FRMD3: variants seen among roughly 807,000 people sequenced by gnomAD.
FRMD3 encodes the protein FERM domain-containing protein 3.
In FRMD3, 33 loss-of-function variants were observed where a neutral mutation model predicts 70.2. The observed-to-expected ratio is 0.47, with a 90% CI of 0.36 to 0.63. The LOEUF (loss-of-function observed/expected upper bound fraction) is 0.63. Ranked by LOEUF, FRMD3 falls within the 20% of genes least tolerant of loss-of-function variation. FRMD3 has a pLI of 0.00. For synonymous variants in FRMD3, 279 were observed against 255.9 expected (o/e 1.09, Z -0.86); for missense variants, 632 against 711.4 (o/e 0.89, Z 1.27).
chr9:83,547,098 C>A, the FRMD3 span, among the ~76,000 whole-genome samples: 1 of 150,862 alleles, frequency 6.6e-6, no homozygotes, highest in East Asian at 1.9e-4. Context: ...TTTAAATCAA[C>A]AACAATAAAA....
At chr9:83,412,926 T>C (rs1259703297) in intron 1 of FRMD3, among the ~76,000 whole-genome samples, 1 of 151,374 alleles carries the variant, frequency 6.6e-6, no homozygotes, top group African/African-American at 2.4e-5. Context: ...ACCCGGGAGA[T>C]GGAGGTTGCA....
chr9:83,496,571 T>C (rs1317730608), intron 1 of FRMD3, among the ~76,000 whole-genome samples: 3 of 152,196 alleles, frequency 2.0e-5, no homozygotes, highest in African/African-American at 7.2e-5. Flanking sequence ...AATGCCCTGG[T>C]GATTTCTAGG....
chr9:83,557,603 T>C, the FRMD3 span, among the ~76,000 whole-genome samples: 8 of 152,200 alleles, frequency 5.3e-5, no homozygotes, highest in East Asian at 1.9e-4. Flanking sequence ...GATTATCAAT[T>C]GATTGGTATA....
chr9:83,331,745 C>A (rs1388211945), intron 6 of FRMD3: 2 of 677,326 alleles, frequency 3.0e-6, no homozygotes, highest in Non-Finnish European at 5.4e-6. Flanking sequence ...ACCTAAACAT[C>A]TCTTTTAAAA....
chr9:83,538,066 C>A lies in FRMD3; in HGVS notation c.147+19G>T. The stretch of plus-strand genomic sequence containing the variant: ...GCTCCCGGCGTGTGCCCCGCGCCCT[C>A]GCCCGGTTCCACGCGCACCTGGATG... On this transcript the variant is annotated intron_variant, in intron 1 of 13. Coordinates refer to ENST00000304195, the MANE Select transcript of FRMD3 (RefSeq NM_174938.6). This position sits in a 1 kb window ranked among gnomAD's most constrained non-coding sequence, Gnocchi z 4.7. The A allele has an allele frequency of 6.2e-7, 1 of 1,610,150 alleles. No individual in the cohort carries two copies. The highest frequency in any genetic ancestry group is 8.5e-7 in the Non-Finnish European group (1 of 1,177,410).
At chr9:83,581,725 C>T in the FRMD3 span, among the ~76,000 whole-genome samples, 4 of 152,076 alleles carry the variant, frequency 2.6e-5, no homozygotes, top group South Asian at 2.1e-4. Context: ...TGTTCGTCAG[C>T]GGATTAATGA....
At chr9:83,483,742 C>A (rs771089065) in intron 1 of FRMD3, among the ~76,000 whole-genome samples, 6 of 152,126 alleles carry the variant, frequency 3.9e-5, no homozygotes, top group African/African-American at 7.2e-5. Flanking sequence ...CACCTGTAGT[C>A]CTAGCTACCC....
intron 13 of FRMD3, chr9:83,281,493 C>G (rs1833969864): frequency 6.6e-6 from 1 of 152,152 alleles, no homozygotes; most frequent in Non-Finnish European, 1.5e-5. Flanking sequence ...TTTTTTCACC[C>G]TAGCCAAGTC....
chr9:83,442,446 C>T (rs573341897), intron 1 of FRMD3, among the ~76,000 whole-genome samples: 5 of 151,922 alleles, frequency 3.3e-5, no homozygotes, highest in African/African-American at 2.4e-5. Context: ...TTAGTAGAGA[C>T]GGGGTTTCAC....
chr9:83,358,315 G>T lies in FRMD3; in HGVS notation c.296-8558C>A, dbSNP rs754245681. Among the ~76,000 whole-genome samples the T allele has an allele frequency of 2.6e-5, 4 of 152,162 alleles. No homozygotes were observed. The South Asian group carries it at 8.3e-4, about 32-fold the overall frequency. On this transcript the variant is annotated intron_variant, in intron 3 of 13. Coordinates refer to ENST00000304195, the MANE Select transcript of FRMD3 (RefSeq NM_174938.6). The stretch of plus-strand genomic sequence containing the variant: ...GTGCCTATTTTTATACCAGTACCAT[G>T]CTGTTTGGTGACTATGACCTTATAG...
chr9:83,325,423 A>C (rs10780592), intron 6 of FRMD3, among the ~76,000 whole-genome samples: 68,049 of 151,514 alleles, frequency 0.45, 15,809 homozygotes, highest in African/African-American at 0.58. Flanking sequence ...ACCTCCCAGA[A>C]TCAAGTGATC....
chr9:83,486,979 T>C (rs1004519619), intron 1 of FRMD3, among the ~76,000 whole-genome samples: 2 of 152,240 alleles, frequency 1.3e-5, no homozygotes, highest in Non-Finnish European at 2.9e-5. Context: ...TGATTATGAA[T>C]ATTCTCCCAT....
intron 1 of FRMD3, among the ~76,000 whole-genome samples, chr9:83,504,610 C>A (rs866636203): frequency 4.0e-5 from 6 of 151,640 alleles, no homozygotes; most frequent in Non-Finnish European, 8.8e-5. Context: ...CCCCCCACCA[C>A]TTCTTTCAGG....
At chr9:83,399,191 C>T (rs1204348984) in intron 1 of FRMD3, among the ~76,000 whole-genome samples, 1 of 152,194 alleles carries the variant, frequency 6.6e-6, no homozygotes, top group Admixed American at 6.5e-5. Flanking sequence ...TCATCTGAAT[C>T]CTAAACAGTG....
intron 1 of FRMD3, among the ~76,000 whole-genome samples, chr9:83,419,580 G>T (rs1231302239): frequency 1.3e-5 from 2 of 151,698 alleles, no homozygotes; most frequent in African/African-American, 2.4e-5. Flanking sequence ...GAATGTGTGT[G>T]ATATGTGTTC....
intron 1 of FRMD3, among the ~76,000 whole-genome samples, chr9:83,484,934 A>T (rs1442218410): frequency 6.6e-6 from 1 of 152,224 alleles, no homozygotes; most frequent in Non-Finnish European, 1.5e-5. Context: ...AGGAAAACAT[A>T]ATAGAAAGTC....
At chr9:83,538,749 C>T (rs539034512), upstream of FRMD3, among the ~76,000 whole-genome samples, 3 of 152,330 alleles carry the variant, frequency 2.0e-5, no homozygotes, top group Admixed American at 6.5e-5. This position sits in a 1 kb window ranked among gnomAD's most constrained non-coding sequence, Gnocchi z 4.7. Flanking sequence ...CTCGTCCCGG[C>T]CCCGGCTCCC....
chr9:83,376,057 G>A (rs1226759961), intron 2 of FRMD3, among the ~76,000 whole-genome samples: 2 of 151,862 alleles, frequency 1.3e-5, no homozygotes, highest in Admixed American at 6.6e-5. Context: ...CTTCTCGGGA[G>A]GCTGAGACAG....
chr9:83,292,582 C>T (rs1165540288), intron 12 of FRMD3, among the ~76,000 whole-genome samples: 1 of 152,154 alleles, frequency 6.6e-6, no homozygotes, highest in African/African-American at 2.4e-5. Context: ...TTTTAAAATT[C>T]TAGTTCATTT....
Sources: allele counts gnomAD v4.1 joint callset (sites outside exome capture counted in the v4.1 genomes callset), GRCh38; gene constraint gnomAD v4.1.1; non-coding constraint Gnocchi (gnomAD v3.1); transcripts MANE v1.5; gene names NCBI Gene and HGNC (gene_info 2026-07-23, HGNC 2026-07-21).